Variants in ANKRD13C observed in about 807,000 individuals in gnomAD.
ANKRD13C encodes the protein ankyrin repeat domain 13C.
A neutral mutation model predicts 65.5 loss-of-function variants in ANKRD13C; 16 were observed. That is an observed-to-expected ratio of 0.24 (90% CI 0.17 to 0.37). The LOEUF is 0.37. ANKRD13C is among the 10% of genes least tolerant of loss of function. ANKRD13C has a pLI of 1.00. For synonymous variants in ANKRD13C, 235 were observed against 238.7 expected, an observed-to-expected ratio of 0.98 and a Z score of 0.14; for missense variants, 503 against 655.9, an observed-to-expected ratio of 0.77 and a Z score of 2.55.
chr1:70,301,335 T>C (rs1680347599), intron 6 of ANKRD13C, among the ~76,000 whole-genome samples: 1 of 152,144 alleles, frequency 6.6e-6, no homozygotes, highest in Admixed American at 6.6e-5. Context: ...TCAATAAAAG[T>C]GAACGGGGAA....
intron 6 of ANKRD13C, chr1:70,305,674 C>G (rs1680558115): frequency 6.6e-6 from 1 of 152,052 alleles, no homozygotes; most frequent in South Asian, 2.1e-4. Flanking sequence ...TATTTTCTAT[C>G]AGATTCAAAC....
intron 9 of ANKRD13C, among the ~76,000 whole-genome samples, chr1:70,283,739 C>T (rs551502496): frequency 9.2e-5 from 14 of 151,772 alleles, no homozygotes; most frequent in African/African-American, 2.7e-4. Context: ...AGCCGGGAGA[C>T]GGAGGTTGCA....
chr1:70,267,637 G>A (rs1338617689), intron 12 of ANKRD13C, among the ~76,000 whole-genome samples: 1 of 151,984 alleles, frequency 6.6e-6, no homozygotes, highest in Non-Finnish European at 1.5e-5. Flanking sequence ...TTAGGGCTTA[G>A]GTCTGCTATT....
At chr1:70,262,876 G>T (rs763544193) in intron 12 of ANKRD13C, 29 bp from the exon 13 acceptor site, 14 of 1,522,398 alleles carry the variant, frequency 9.2e-6, no homozygotes, top group Non-Finnish European at 1.2e-5. Flanking sequence ...TGATAGCATT[G>T]TAAAATCAAA....
chr1:70,343,776 G>A (rs1273341654), intron 1 of ANKRD13C, among the ~76,000 whole-genome samples: 2 of 152,146 alleles, frequency 1.3e-5, no homozygotes, highest in African/African-American at 4.8e-5. Context: ...AGCCTCAAGT[G>A]ATCCGCCCAC....
At chr1:70,353,223 A>C (rs963832956) in intron 1 of ANKRD13C, among the ~76,000 whole-genome samples, 9 of 152,262 alleles carry the variant, frequency 5.9e-5, no homozygotes. Flanking sequence ...AGAATTAAAC[A>C]AAAAATTCAG....
At chr1:70,343,834 G>A (rs1257176469) in intron 1 of ANKRD13C, among the ~76,000 whole-genome samples, 1 of 152,174 alleles carries the variant, frequency 6.6e-6, no homozygotes, top group African/African-American at 2.4e-5. Context: ...CACCGCACCA[G>A]GCTAACTTTA....
chr1:70,316,240 G>A (rs1681067803), intron 3 of ANKRD13C, among the ~76,000 whole-genome samples: 1 of 152,116 alleles, frequency 6.6e-6, no homozygotes, highest in Non-Finnish European at 1.5e-5. Flanking sequence ...AAACCTAAAG[G>A]TCCTCCATAG....
intron 11 of ANKRD13C, among the ~76,000 whole-genome samples, chr1:70,273,500 A>T (rs1393125892): frequency 6.6e-6 from 1 of 152,230 alleles, no homozygotes; most frequent in Non-Finnish European, 1.5e-5. Context: ...GGATATATTC[A>T]ATATGTTTAC....
intron 1 of ANKRD13C, among the ~76,000 whole-genome samples, chr1:70,338,522 C>T (rs923863534): frequency 1.3e-5 from 2 of 152,116 alleles, no homozygotes; most frequent in Admixed American, 6.6e-5. Flanking sequence ...GCTTCAGCCT[C>T]CCGAGTAGCT....
At chr1:70,351,766 T>TA (rs1375614578) in intron 1 of ANKRD13C, among the ~76,000 whole-genome samples, 5 of 152,112 alleles carry the variant, frequency 3.3e-5, no homozygotes, top group Non-Finnish European at 7.3e-5. Context: ...AAAAATATCC[T>TA]AAAAATCTAA....
intron 11 of ANKRD13C, among the ~76,000 whole-genome samples, chr1:70,274,331 G>A (rs955275472): frequency 1.3e-5 from 2 of 151,572 alleles, no homozygotes; most frequent in African/African-American, 2.4e-5. Context: ...AAAATTAGCC[G>A]GGCGTGGTGG....
chr1:70,322,112 C>T (rs1443814545), intron 3 of ANKRD13C, among the ~76,000 whole-genome samples: 2 of 152,002 alleles, frequency 1.3e-5, no homozygotes, highest in South Asian at 4.2e-4. Flanking sequence ...GTCAGGAATT[C>T]GAGACCAGCC....
intron 1 of ANKRD13C, among the ~76,000 whole-genome samples, chr1:70,340,306 C>T (rs184405531): frequency 6.6e-6 from 1 of 152,242 alleles, no homozygotes; most frequent in East Asian, 1.9e-4. Flanking sequence ...CTTCTAATTT[C>T]TTAAAACAGA....
intron 9 of ANKRD13C, among the ~76,000 whole-genome samples, chr1:70,290,723 A>AT (rs940692171): frequency 2.0e-5 from 3 of 151,644 alleles, no homozygotes; most frequent in African/African-American, 4.8e-5. Flanking sequence ...TAATTTTTTA[A>AT]TTTTTTATTT....
Position 70,291,026 on chromosome 1 carries a change from C to A in ANKRD13C, c.1215+1362G>T, listed in dbSNP as rs140626103. Among the ~76,000 whole-genome samples, 250 of 151,762 alleles carry A rather than the reference C, an allele frequency of 1.6e-3. 2 individuals are homozygous for A. Among genetic ancestry groups the A allele is most frequent in the Non-Finnish European group, 3.2e-4 (22 of 67,970 alleles). ...TATACAAATGGCAGTAAAACATTAA[C>A]ATCTGGGAAATTTTTTTTTTTTTGA... On this transcript the variant is annotated intron_variant, in intron 9 of 12. Coordinates refer to ENST00000370944, the MANE Select transcript of ANKRD13C (RefSeq NM_030816.5).
chr1:70,278,582 T>C (rs1353259127), intron 9 of ANKRD13C, among the ~76,000 whole-genome samples: 2 of 151,946 alleles, frequency 1.3e-5, no homozygotes, highest in Non-Finnish European at 2.9e-5. Context: ...CAATTGCTAA[T>C]GAAAACCTAA....
intron 1 of ANKRD13C, 42 bp downstream of exon 1, chr1:70,353,937 C>A: frequency 1.1e-5 from 16 of 1,475,678 alleles, no homozygotes; most frequent in Non-Finnish European, 1.4e-5. Flanking sequence ...ACACCCTAGG[C>A]TCGGGGAAGG....
At chr1:70,337,523 G>A (rs959673678) in intron 1 of ANKRD13C, among the ~76,000 whole-genome samples, 4 of 152,104 alleles carry the variant, frequency 2.6e-5, no homozygotes, top group Non-Finnish European at 4.4e-5. Context: ...AGAGGTTGCA[G>A]TGAGCCAAGG....
Sources: allele counts gnomAD v4.1 joint callset (sites outside exome capture counted in the v4.1 genomes callset), GRCh38; gene constraint gnomAD v4.1.1; transcripts MANE v1.5; gene names NCBI Gene and HGNC (gene_info 2026-07-23, HGNC 2026-07-21).